Variants in PI4KA observed in about 807,000 individuals in gnomAD.
The protein encoded by PI4KA is PI4-kinase alpha.
Under a neutral mutation model 271.4 loss-of-function variants are expected in PI4KA, and 122 were observed. The observed-to-expected ratio is 0.45, with a 90% CI of 0.39 to 0.52. The LOEUF (loss-of-function observed/expected upper bound fraction) is 0.52, where lower values mean the gene tolerates loss of function less well. Among genes scored for constraint, PI4KA ranks in the 20% least tolerant of loss-of-function variants. The pLI is 0.00. For synonymous variants in PI4KA, 1,041 were observed against 1,078.8 expected, an observed-to-expected ratio of 0.96 and a Z score of 0.69; for missense variants, 1,969 against 2,769.1, an observed-to-expected ratio of 0.71 and a Z score of 6.48.
intron 23 of PI4KA, among the ~76,000 whole-genome samples, chr22:20,759,146 A>G (rs1931664566): frequency 6.6e-6 from 1 of 152,060 alleles, no homozygotes; most frequent in Non-Finnish European, 1.5e-5. Context: ...AACTGGGCTC[A>G]AGGGATCCCC....
At chr22:20,717,194 G>A (rs1170118688) in intron 45 of PI4KA, among the ~76,000 whole-genome samples, 1 of 152,182 alleles carries the variant, frequency 6.6e-6, no homozygotes, top group East Asian at 1.9e-4. Context: ...AACAAAAAAA[G>A]AAATGGAGAG....
chr22:20,711,290 C>T lies in PI4KA; in HGVS notation c.5923+51G>A. On this transcript the variant is annotated intron_variant, in intron 51 of 54. Transcript: ENST00000255882. ...TGTGGGGTGGGGATCCCTATCCACCCCTGGGTGCCAGGGGTGAAGGGAGAG... is the reference window on the plus strand; with the variant it reads ...TGTGGGGTGGGGATCCCTATCCACCTCTGGGTGCCAGGGGTGAAGGGAGAG... The T allele has an allele frequency of 2.4e-6, 3 of 1,258,618 alleles. 1 individual carries two copies. The highest frequency in any genetic ancestry group is 3.3e-6 in the Non-Finnish European group (3 of 915,790). 78.0% of individuals were successfully genotyped at this position (1,258,618 alleles called of 1,614,324 possible). A position where few individuals can be genotyped will look rare whatever the true frequency, so the allele number is the denominator to read the frequency against.
intron 23 of PI4KA, among the ~76,000 whole-genome samples, chr22:20,754,378 A>G (rs1337400047): frequency 6.6e-6 from 1 of 152,080 alleles, no homozygotes; most frequent in Non-Finnish European, 1.5e-5. Flanking sequence ...GTGAGCCACT[A>G]TGCCCAGTCC....
chr22:20,769,120 C>A (rs1448241849), intron 19 of PI4KA, among the ~76,000 whole-genome samples: 1 of 152,194 alleles, frequency 6.6e-6, no homozygotes, highest in African/African-American at 2.4e-5. Context: ...GCTTCCCTCT[C>A]AATGAGAACA....
At chr22:20,827,819 G>C (rs988174962) in intron 3 of PI4KA, among the ~76,000 whole-genome samples, 4 of 152,038 alleles carry the variant, frequency 2.6e-5, no homozygotes, top group African/African-American at 7.2e-5. Flanking sequence ...TTTTGAGATG[G>C]AGTCTCACTC....
At chr22:20,739,392 A>G (rs1480059711) in intron 32 of PI4KA, among the ~76,000 whole-genome samples, 4 of 149,916 alleles carry the variant, frequency 2.7e-5, no homozygotes, top group African/African-American at 9.8e-5. Flanking sequence ...CTACTGGGTC[A>G]GGAGGCCGAG....
intron 7 of PI4KA, among the ~76,000 whole-genome samples, chr22:20,814,106 A>G (rs1033030068): frequency 2.0e-5 from 3 of 152,064 alleles, no homozygotes; most frequent in African/African-American, 7.2e-5. Flanking sequence ...GCAGAAATAC[A>G]CCTTTTTAAA....
chr22:20,840,983 A>C (rs1219150389), intron 1 of PI4KA, among the ~76,000 whole-genome samples: 1 of 152,222 alleles, frequency 6.6e-6, no homozygotes, highest in Non-Finnish European at 1.5e-5. Flanking sequence ...AGGCATTCTA[A>C]GTCACAGGGT....
intron 19 of PI4KA, among the ~76,000 whole-genome samples, chr22:20,773,249 T>C (rs1378471640): frequency 1.3e-5 from 2 of 151,806 alleles, no homozygotes; most frequent in South Asian, 2.1e-4. Context: ...TAGTTGGACA[T>C]GGTGGTGTGC....
chr22:20,844,516 G>A (rs1926007565), intron 1 of PI4KA, among the ~76,000 whole-genome samples: 2 of 152,180 alleles, frequency 1.3e-5, no homozygotes, highest in Non-Finnish European at 2.9e-5. Context: ...CAATCCAGCA[G>A]GAGTTACAAA....
chr22:20,835,776 C>T (rs1924783190), intron 2 of PI4KA, among the ~76,000 whole-genome samples: 6 of 149,854 alleles, frequency 4.0e-5, no homozygotes, highest in African/African-American at 4.9e-5. Context: ...TGGCCGGGTG[C>T]GGTGGCTCAC....
At position 20,858,684 on chromosome 22, in the gene PI4KA, T is replaced by G. The variant is rs1264411713; in HGVS notation, c.42A>C (p.Gly14=). The G allele has an allele frequency of 3.5e-6, 5 of 1,449,038 alleles. No individual in the cohort carries two copies. Among genetic ancestry groups the G allele is most frequent in the Non-Finnish European group, 4.5e-6 (5 of 1,104,678 alleles). The allele number at this position is 1,449,038 out of a possible 1,614,324, so 89.8% of individuals were successfully genotyped here. Reference sequence around the variant, plus strand: ...CGGAGCCGGAGCAGCCGCCGCCGCCTCCGCCTCCGCCTCCGCCTCCCCGGG... The same window carrying G: ...CGGAGCCGGAGCAGCCGCCGCCGCCGCCGCCTCCGCCTCCGCCTCCCCGGG... ...APARGGGGGG[G]GGGGCSGSGS... The change falls in exon 1 of 55, where the codon GGA becomes GGC. Residue 14 remains glycine (G), a synonymous_variant. Coordinates refer to ENST00000255882, the MANE Select transcript of PI4KA (RefSeq NM_058004.4).
chr22:20,747,433 T>A, intron 29 of PI4KA, 150 bp downstream of exon 29: 1 of 697,434 alleles, frequency 1.4e-6, no homozygotes, highest in Non-Finnish European at 2.3e-6. Context: ...AAGGTGCGGC[T>A]TGCACCACTA....
chr22:20,795,193 T>C (rs945844563), intron 18 of PI4KA, among the ~76,000 whole-genome samples: 6 of 152,182 alleles, frequency 3.9e-5, no homozygotes, highest in Non-Finnish European at 8.8e-5. Flanking sequence ...TTCTTTTTTT[T>C]CCTTTTTGCC....
At chr22:20,773,179 A>G (rs1269842968) in intron 19 of PI4KA, among the ~76,000 whole-genome samples, 1 of 152,154 alleles carries the variant, frequency 6.6e-6, no homozygotes, top group Non-Finnish European at 1.5e-5. Context: ...TCACTCCAGG[A>G]GTTCAACACC....
Position 20,729,720 on chromosome 22 carries a change from A to G in PI4KA, c.4409-9T>C. The G allele has an allele frequency of 2.5e-6, 4 of 1,591,804 alleles. No individual in the cohort carries two copies. The highest frequency in any genetic ancestry group is 3.4e-6 in the Non-Finnish European group (4 of 1,167,216). On this transcript the variant is annotated splice_polypyrimidine_tract_variant and intron_variant, in intron 37 of 54. Coordinates refer to ENST00000255882, the MANE Select transcript of PI4KA (RefSeq NM_058004.4). ...GGTTTTCTTAGACATGCCTAGGAGG[A>G]AAGACAAAGCACAGGTGTAGTCCTC... is the stretch of plus-strand genomic sequence containing the variant.
intron 23 of PI4KA, among the ~76,000 whole-genome samples, chr22:20,757,497 T>C (rs1443099574): frequency 2.0e-5 from 3 of 151,864 alleles, no homozygotes; most frequent in African/African-American, 7.3e-5. Flanking sequence ...AGGGATCTGA[T>C]TCGGTTTATG....
In PI4KA at chr22:20,767,316, C is replaced by T. The variant is rs182200057; in HGVS notation, c.2329-1623G>A. On this transcript the variant is annotated intron_variant, in intron 19 of 54. Transcript: ENST00000255882. ...AACATTAGCCGGGCGTGGTGGCAGGCGCCTATAGTCCCAGCTACTCAGGAG... is the reference window on the plus strand; with the variant it reads ...AACATTAGCCGGGCGTGGTGGCAGGTGCCTATAGTCCCAGCTACTCAGGAG... Among the ~76,000 whole-genome samples, 956 of 151,950 alleles carry T rather than the reference C, an allele frequency of 6.3e-3. 9 individuals are homozygous for T. The highest frequency in any genetic ancestry group is 0.021 in the African/African-American group (875 of 41,472).
chr22:20,825,821 T>G (rs981827724), intron 3 of PI4KA, among the ~76,000 whole-genome samples: 3 of 152,156 alleles, frequency 2.0e-5, no homozygotes, highest in Non-Finnish European at 4.4e-5. Flanking sequence ...TACAGATTAT[T>G]TCATCATCCC....
Sources: gnomAD v4.1 joint callset for allele counts (sites outside exome capture counted in the v4.1 genomes callset) on GRCh38, gnomAD v4.1.1 for gene constraint, MANE v1.5 for transcripts, NCBI Gene and HGNC (gene_info 2026-07-23, HGNC 2026-07-21) for gene names.